The following CIROZ variants were observed in gnomAD, a reference collection of about 807,000 sequenced individuals.
CIROZ encodes ciliated left-right organizer protein containing ZP-N domains.
the CIROZ span, among the ~76,000 whole-genome samples, chr1:10,965,476 C>A: frequency 6.6e-6 from 1 of 152,192 alleles, no homozygotes; most frequent in African/African-American, 2.4e-5. Context: ...ATCATCTCAA[C>A]ACATTGGGAC....
At chr1:10,966,126 C>T in the CIROZ span, among the ~76,000 whole-genome samples, 1 of 152,102 alleles carries the variant, frequency 6.6e-6, no homozygotes, top group African/African-American at 2.4e-5. Flanking sequence ...GTCTACTGCA[C>T]AGAGAAGGGG....
At chr1:10,948,661 C>G in the CIROZ span, 10 of 1,612,500 alleles carry the variant, frequency 6.2e-6, no homozygotes, top group African/African-American at 1.2e-4. Flanking sequence ...CAGGGACTAG[C>G]CTGGACACCC....
the CIROZ span, chr1:10,969,905 C>A: frequency 1.4e-6 from 2 of 1,459,338 alleles, no homozygotes; most frequent in Non-Finnish European, 1.8e-6. Context: ...AGGAGCATTG[C>A]AGGCAGGGGA....
the CIROZ span, among the ~76,000 whole-genome samples, chr1:10,973,218 C>T: frequency 2.6e-5 from 4 of 151,912 alleles, no homozygotes; most frequent in Non-Finnish European, 5.9e-5. Flanking sequence ...ACTAAAAATA[C>T]AAAAATTAGC....
the CIROZ span, among the ~76,000 whole-genome samples, chr1:10,962,821 T>C: frequency 2.0e-5 from 3 of 152,166 alleles, no homozygotes; most frequent in Non-Finnish European, 4.4e-5. Context: ...GAATGAGCCA[T>C]ATATAAGTGT....
At chr1:10,963,874 C>G in the CIROZ span, among the ~76,000 whole-genome samples, 8 of 152,128 alleles carry the variant, frequency 5.3e-5, no homozygotes, top group Non-Finnish European at 1.2e-4. Flanking sequence ...AAATCCAGAA[C>G]CCGAGGTCAG....
the CIROZ span, chr1:10,955,047 A>G: frequency 1.9e-6 from 3 of 1,613,548 alleles, no homozygotes; most frequent in Non-Finnish European, 2.5e-6. Flanking sequence ...CCTTGTTCTC[A>G]GTCACCATAA....
At chr1:10,946,853 C>G in the CIROZ span, 1 of 152,312 alleles carries the variant, frequency 6.6e-6, no homozygotes, top group Non-Finnish European at 1.5e-5. Context: ...ACCCCAAGGC[C>G]TGGGGAGGGG....
chr1:10,964,984 G>A, the CIROZ span, among the ~76,000 whole-genome samples: 5 of 152,166 alleles, frequency 3.3e-5, no homozygotes, highest in African/African-American at 1.2e-4. Context: ...GGCAGTTGAG[G>A]CTTAGAGAAG....
the CIROZ span, among the ~76,000 whole-genome samples, chr1:10,961,007 C>T: frequency 0.23 from 35,502 of 152,058 alleles, 5,042 homozygotes; most frequent in South Asian, 0.45. Context: ...GAGCCCCCCC[C>T]ACCCACCTGC....
At chr1:10,975,452 G>A in the CIROZ span, among the ~76,000 whole-genome samples, 14 of 150,998 alleles carry the variant, frequency 9.3e-5, no homozygotes, top group South Asian at 2.7e-3. Context: ...AGCCAGGTGT[G>A]GTGGTGCACA....
chr1:10,970,179 AAAG>A, the CIROZ span: 1 of 1,251,984 alleles, frequency 8.0e-7, no homozygotes, highest in Non-Finnish European at 1.1e-6. Context: ...GAAGGAAGGA[AAAG>A]AAGGAGCTCC....
chr1:10,948,598 A>T, the CIROZ span: 2 of 1,614,104 alleles, frequency 1.2e-6, no homozygotes, highest in Non-Finnish European at 1.7e-6. Flanking sequence ...GAGGCATCTG[A>T]GGACACGGGC....
chr1:10,972,070 T>C, the CIROZ span, among the ~76,000 whole-genome samples: 1 of 152,224 alleles, frequency 6.6e-6, no homozygotes, highest in Non-Finnish European at 1.5e-5. Context: ...GTGCTAAATA[T>C]GGGTTAGGCA....
the CIROZ span, chr1:10,957,632 A>C: frequency 6.2e-7 from 1 of 1,614,112 alleles, no homozygotes. Context: ...CCTCTGAAGA[A>C]GGCCTTGTCT....
the CIROZ span, among the ~76,000 whole-genome samples, chr1:10,967,770 G>A: frequency 1.3e-5 from 2 of 152,138 alleles, no homozygotes; most frequent in South Asian, 4.1e-4. Context: ...CCAGGAGTTC[G>A]AGACCAGTCT....
chr1:10,952,343 G>A, the CIROZ span, among the ~76,000 whole-genome samples: 11 of 151,980 alleles, frequency 7.2e-5, no homozygotes, highest in Non-Finnish European at 1.6e-4. Flanking sequence ...TTCCAGAGAG[G>A]CCAAAAAAAC....
At chr1:10,972,420 TACACACACACACACACACACACACACAC>T in the CIROZ span, among the ~76,000 whole-genome samples, 1 of 131,724 alleles carries the variant, frequency 7.6e-6, no homozygotes, top group African/African-American at 3.0e-5. Context: ...GTCTCTGAAA[TACACACACACACACACACACACACACAC>T]ACACACACAC....
At chr1:10,979,961 C>T in the CIROZ span, among the ~76,000 whole-genome samples, 2 of 152,146 alleles carry the variant, frequency 1.3e-5, no homozygotes, top group African/African-American at 4.8e-5. Flanking sequence ...GCAGGAAAAT[C>T]GCTTGAACCT....
Sources: gnomAD v4.1 joint callset for allele counts (sites outside exome capture counted in the v4.1 genomes callset) on GRCh38, gnomAD v4.1.1 for gene constraint, MANE v1.5 for transcripts, NCBI Gene and HGNC (gene_info 2026-07-23, HGNC 2026-07-21) for gene names.